Variants in HYDIN observed in about 807,000 individuals in gnomAD.
HYDIN encodes HYDIN axonemal central pair apparatus protein, also known as axonemal central pair apparatus protein HYDIN.
HYDIN carries 132 observed loss-of-function variants against 403.9 expected under a neutral mutation model. That is an observed-to-expected ratio of 0.33 (90% CI 0.28 to 0.38). The LOEUF is 0.38. Ranked by LOEUF, HYDIN falls within the 10% of genes least tolerant of loss-of-function variation. HYDIN has a pLI of 1.00. For synonymous variants in HYDIN, 1,202 were observed against 1,891.7 expected, an observed-to-expected ratio of 0.64 and a Z score of 9.46; for missense variants, 2,827 against 5,009.5, an observed-to-expected ratio of 0.56 and a Z score of 13.15.
At position 70,806,616 on chromosome 16, in the gene HYDIN, C is replaced by A. The variant is rs1234774695; in HGVS notation, c.*964G>T. Among the ~76,000 whole-genome samples the A allele has an allele frequency of 6.6e-6, 1 of 152,156 alleles. No individual in the cohort carries two copies. The highest frequency in any genetic ancestry group is 1.5e-5 in the Non-Finnish European group (1 of 68,042). On this transcript the variant is annotated 3_prime_UTR_variant, in exon 86 of 86. Transcript: ENST00000393567. ...CCCACTTCTTTACGGCATTCATTCC[C>A]AAGAGGCCATCTTCTTCCAGTCTCC...
At position 70,830,185 on chromosome 16, in the gene HYDIN, A is replaced by G. The variant is rs548827641; in HGVS notation, c.13900-355T>C. ...AAAGTAGAAGGGGTGCCAGATTGGGAGTGGGTTTGAGTTTTTACACAGTGT... is the reference window on the plus strand; with the variant it reads ...AAAGTAGAAGGGGTGCCAGATTGGGGGTGGGTTTGAGTTTTTACACAGTGT... On this transcript the variant is annotated intron_variant, in intron 80 of 85. Transcript: ENST00000393567. Among the ~76,000 whole-genome samples the G allele has an allele frequency of 4.7e-4, 71 of 150,772 alleles. 1 individual carries two copies. In the South Asian group the frequency reaches 0.015, roughly 31 times the overall value.
At chr16:71,023,972 CACTGT>C (rs2080592558) in intron 21 of HYDIN, among the ~76,000 whole-genome samples, 2 of 152,344 alleles carry the variant, frequency 1.3e-5, no homozygotes, top group South Asian at 4.1e-4. Context: ...GCAAAGATCA[CACTGT>C]GGGGCAGTGA....
intron 23 of HYDIN, among the ~76,000 whole-genome samples, chr16:71,003,120 T>C (rs1037666529): frequency 1.1e-4 from 16 of 152,238 alleles, no homozygotes; most frequent in South Asian, 1.0e-3. Flanking sequence ...GGGGTCTTTG[T>C]TCTGTTCCTT....
At position 70,806,109 on chromosome 16, in the gene HYDIN, C is replaced by G. The variant is rs2035093585; in HGVS notation, c.*1471G>C. Among the ~76,000 whole-genome samples the G allele has an allele frequency of 6.6e-6, 1 of 152,116 alleles. No individual in the cohort carries two copies. Among genetic ancestry groups the G allele is most frequent in the Non-Finnish European group, 1.5e-5 (1 of 68,020 alleles). On this transcript the variant is annotated 3_prime_UTR_variant, in exon 86 of 86. Transcript: ENST00000393567. ...ACCTTATTTAGTTTAATAATGGCCC[C>G]AAAGCACATGGGTAGTGATGCTGGC...
At chr16:70,818,261 CAG>C in intron 84 of HYDIN, 79 bp downstream of exon 84, 3 of 722,852 alleles carry the variant, frequency 4.2e-6, no homozygotes, top group Non-Finnish European at 7.1e-6. Context: ...TCTGGGGATG[CAG>C]AGTGTGGATC....
At chr16:70,928,623 C>T (rs1013728970) in intron 45 of HYDIN, among the ~76,000 whole-genome samples, 1 of 140,468 alleles carries the variant, frequency 7.1e-6, no homozygotes, top group African/African-American at 2.5e-5. Context: ...CAAGTGATTA[C>T]ATGGATCAAA....
intron 28 of HYDIN, 51 bp from the exon 29 acceptor site, chr16:70,981,619 G>A: frequency 1.4e-5 from 21 of 1,509,310 alleles, no homozygotes; most frequent in Non-Finnish European, 1.9e-5. Context: ...TACAGTACAG[G>A]TTCAACTCAT....
chr16:71,216,943 G>T (rs565957593), intron 1 of HYDIN, among the ~76,000 whole-genome samples: 1 of 152,178 alleles, frequency 6.6e-6, no homozygotes, highest in Non-Finnish European at 1.5e-5. Flanking sequence ...TATCAGTGAG[G>T]ACTAGACATC....
chr16:70,960,042 C>T (rs2078364297), intron 38 of HYDIN, among the ~76,000 whole-genome samples: 2 of 152,128 alleles, frequency 1.3e-5, no homozygotes, highest in Admixed American at 6.5e-5. Flanking sequence ...TTTTTTGACC[C>T]CACTTTCATT....
intron 18 of HYDIN, among the ~76,000 whole-genome samples, chr16:71,041,445 T>C (rs1325112865): frequency 6.6e-6 from 1 of 152,240 alleles, no homozygotes; most frequent in Non-Finnish European, 1.5e-5. Flanking sequence ...TTGCTTATAG[T>C]AGTAAAAAAC....
chr16:71,014,556 G>A (rs1382933608), intron 23 of HYDIN, among the ~76,000 whole-genome samples: 1 of 151,416 alleles, frequency 6.6e-6, no homozygotes, highest in African/African-American at 2.4e-5. Context: ...GACTGATGAG[G>A]AGTGGGGACA....
chr16:70,963,230 A>G (rs2078473978), intron 37 of HYDIN, among the ~76,000 whole-genome samples: 4 of 151,532 alleles, frequency 2.6e-5, no homozygotes, highest in Admixed American at 2.0e-4. Context: ...TTTTTTCACT[A>G]ATTTTTTTTT....
At chr16:71,214,113 T>C (rs2088742174) in intron 1 of HYDIN, among the ~76,000 whole-genome samples, 1 of 152,072 alleles carries the variant, frequency 6.6e-6, no homozygotes, top group South Asian at 2.1e-4. Context: ...AAAATTGCAT[T>C]TCTATATACT....
chr16:71,148,727 T>G (rs1455188550), intron 7 of HYDIN, among the ~76,000 whole-genome samples: 3 of 147,188 alleles, frequency 2.0e-5, no homozygotes, highest in Admixed American at 2.0e-4. Flanking sequence ...TAATTATTTC[T>G]GGAAGACTTA....
intron 3 of HYDIN, among the ~76,000 whole-genome samples, chr16:71,179,915 G>A (rs962953771): frequency 1.1e-4 from 17 of 152,286 alleles, no homozygotes; most frequent in Middle Eastern, 3.4e-3. Context: ...TCACGGTTGC[G>A]CCCTGGGGCA....
chr16:71,191,411 G>A (rs1463911627), intron 1 of HYDIN, among the ~76,000 whole-genome samples: 1 of 151,986 alleles, frequency 6.6e-6, no homozygotes, highest in Non-Finnish European at 1.5e-5. Context: ...AAATGCGCGT[G>A]TTTGCGTTTA....
intron 52 of HYDIN, among the ~76,000 whole-genome samples, chr16:70,902,821 A>ATTTTTTTTTTTTTTTTTTTTTTTT (rs60618592): frequency 2.1e-5 from 1 of 47,316 alleles, no homozygotes; most frequent in Admixed American, 2.5e-4. Flanking sequence ...ATATATATAT[A>ATTTTTTTTTTTTTTTTTTTTTTTT]TTTTTTTTTT....
intron 1 of HYDIN, among the ~76,000 whole-genome samples, chr16:71,201,592 G>A (rs1260405999): frequency 1.3e-5 from 2 of 152,184 alleles, no homozygotes; most frequent in East Asian, 3.9e-4. Context: ...TGATTTTGGG[G>A]TGAACTGCTG....
chr16:71,064,105 T>C (rs1437950728), intron 16 of HYDIN, among the ~76,000 whole-genome samples: 1 of 130,756 alleles, frequency 7.6e-6, no homozygotes, highest in African/African-American at 2.7e-5. Context: ...AAATGCATTC[T>C]TGGTAAACTG....
Sources: allele counts gnomAD v4.1 joint callset (sites outside exome capture counted in the v4.1 genomes callset), GRCh38; gene constraint gnomAD v4.1.1; transcripts MANE v1.5; gene names NCBI Gene and HGNC (gene_info 2026-07-23, HGNC 2026-07-21).